The following BBX variants were observed in gnomAD, a reference collection of about 807,000 sequenced individuals.
BBX encodes HMG box transcription factor BBX.
Under a neutral mutation model 100.2 loss-of-function variants are expected in BBX, and 30 were observed. The ratio of observed to expected loss-of-function variants is 0.30; its 90% confidence interval spans 0.22 to 0.41. The LOEUF is 0.41. BBX is among the 10% of genes least tolerant of loss of function. The pLI is 1.00. For synonymous variants in BBX, 376 were observed against 388.1 expected, an observed-to-expected ratio of 0.97 and a Z score of 0.37; for missense variants, 1,023 against 1,129.8, an observed-to-expected ratio of 0.91 and a Z score of 1.35.
intron 3 of BBX, among the ~76,000 whole-genome samples, chr3:107,689,023 C>T (rs1010071105): frequency 1.3e-5 from 2 of 152,166 alleles, no homozygotes; most frequent in Non-Finnish European, 2.9e-5. Context: ...TGGTACACAG[C>T]AGACAACGAC....
At chr3:107,733,505 C>A (rs937299700) in intron 7 of BBX, among the ~76,000 whole-genome samples, 1 of 152,048 alleles carries the variant, frequency 6.6e-6, no homozygotes, top group Non-Finnish European at 1.5e-5. Flanking sequence ...TTTCCCACCC[C>A]CCCTTGAGAC....
chr3:107,579,610 G>T (rs2107544561), intron 2 of BBX, among the ~76,000 whole-genome samples: 1 of 152,330 alleles, frequency 6.6e-6, no homozygotes, highest in East Asian at 1.9e-4. Context: ...TGGATGCTTT[G>T]CAGTCCCTCC....
chr3:107,748,067 G>A (rs755989703), intron 9 of BBX, 28 bp downstream of exon 9: 8 of 1,589,702 alleles, frequency 5.0e-6, no homozygotes, highest in Non-Finnish European at 6.0e-6. Context: ...TGCTTTTTAG[G>A]CTAAGAAAAC....
chr3:107,749,912 G>C (rs775341262), intron 9 of BBX, among the ~76,000 whole-genome samples: 1 of 152,132 alleles, frequency 6.6e-6, no homozygotes, highest in Admixed American at 6.6e-5. Context: ...GGGATTACAG[G>C]TGTGAGCCAT....
chr3:107,736,859 G>A (rs2107555684), intron 7 of BBX, among the ~76,000 whole-genome samples: 1 of 152,182 alleles, frequency 6.6e-6, no homozygotes, highest in South Asian at 2.1e-4. Flanking sequence ...GAGAAAAGTA[G>A]AATATAAGTT....
chr3:107,642,247 T>A (rs535722121), intron 2 of BBX, among the ~76,000 whole-genome samples: 1 of 152,308 alleles, frequency 6.6e-6, no homozygotes, highest in Admixed American at 6.5e-5. Context: ...CAACAAGAAT[T>A]TTTTGACTAC....
intron 7 of BBX, among the ~76,000 whole-genome samples, chr3:107,735,252 T>A (rs1346184375): frequency 6.6e-6 from 1 of 152,136 alleles, no homozygotes. Flanking sequence ...CTTTAAGAGC[T>A]TATATGCATA....
chr3:107,662,842 C>G (rs1053021796), intron 3 of BBX: 1 of 151,898 alleles, frequency 6.6e-6, no homozygotes. Context: ...AAACTAACAC[C>G]GGAAATATTT....
At chr3:107,546,406 T>G (rs975538786) in intron 2 of BBX, among the ~76,000 whole-genome samples, 3 of 152,232 alleles carry the variant, frequency 2.0e-5, no homozygotes, top group Non-Finnish European at 4.4e-5. Context: ...GTTATTTACT[T>G]ACTTTTTGTG....
intron 3 of BBX, among the ~76,000 whole-genome samples, chr3:107,692,736 T>G (rs531404744): frequency 4.0e-5 from 6 of 150,062 alleles, no homozygotes; most frequent in Non-Finnish European, 8.9e-5. Context: ...CTGGGTCAAA[T>G]GGTATTTCTA....
intron 2 of BBX, among the ~76,000 whole-genome samples, chr3:107,558,477 G>A (rs2050242978): frequency 6.6e-6 from 1 of 151,970 alleles, no homozygotes; most frequent in South Asian, 2.1e-4. Flanking sequence ...GACAGAGCGA[G>A]ACTCTGTCTC....
intron 13 of BBX, among the ~76,000 whole-genome samples, chr3:107,786,006 AACTT>A (rs917425381): frequency 6.6e-6 from 1 of 152,128 alleles, no homozygotes; most frequent in Non-Finnish European, 1.5e-5. Flanking sequence ...CATTAGATAA[AACTT>A]AATTATATTT....
chr3:107,549,898 G>T, intron 2 of BBX, among the ~76,000 whole-genome samples: 2 of 149,314 alleles, frequency 1.3e-5, no homozygotes. Context: ...AATACTGAAT[G>T]GAAGGAAAGG....
intron 10 of BBX, among the ~76,000 whole-genome samples, chr3:107,765,699 C>T (rs2066334028): frequency 6.6e-6 from 1 of 152,206 alleles, no homozygotes; most frequent in African/African-American, 2.4e-5. Context: ...TGGCTGCCGA[C>T]TGCCTTTCCT....
rs2064412745 is a variant in BBX, at chr3:107,744,612, T to C, written c.670-18T>C. 6.3e-7 allele frequency: 1 copy of C among 1,592,670 alleles called. No homozygotes were observed. Among genetic ancestry groups the C allele is most frequent in the Non-Finnish European group, 8.6e-7 (1 of 1,161,184 alleles). Reference sequence around the variant, plus strand: ...GTAAATAGTACAAAAGAAAATATGATATCTTTCTTTGTTTCAGGTATCCTC... The same window carrying C: ...GTAAATAGTACAAAAGAAAATATGACATCTTTCTTTGTTTCAGGTATCCTC... On this transcript the variant is annotated intron_variant, in intron 7 of 17. Coordinates refer to ENST00000325805, the MANE Select transcript of BBX (RefSeq NM_001142568.3).
intron 12 of BBX, 127 bp from the exon 13 acceptor site, chr3:107,778,244 A>G (rs1316507519): frequency 7.6e-6 from 9 of 1,177,094 alleles, no homozygotes; most frequent in Non-Finnish European, 1.1e-5. Context: ...TTTTCCTTGC[A>G]CAGAATTTAC....
chr3:107,790,297 G>A (rs928143554), intron 14 of BBX, among the ~76,000 whole-genome samples: 7 of 152,068 alleles, frequency 4.6e-5, no homozygotes, highest in Admixed American at 1.3e-4. Context: ...AAGTGCCCCC[G>A]TTTCTGTACT....
chr3:107,610,859 A>G lies in BBX; in HGVS notation c.-83-34977A>G, dbSNP rs571292306. Among the ~76,000 whole-genome samples the G allele has an allele frequency of 8.0e-5, 12 of 150,526 alleles. No individual in the cohort carries two copies. The East Asian group carries it at 2.3e-3, about 29-fold the overall frequency. On this transcript the variant is annotated intron_variant, in intron 2 of 17. Transcript: ENST00000325805. Reference sequence around the variant, plus strand: ...GTTTAGTCCATTTACATCACATGTTATTATTGATAAGTTAGGACTTACTCC... The same window carrying G: ...GTTTAGTCCATTTACATCACATGTTGTTATTGATAAGTTAGGACTTACTCC...
At chr3:107,686,862 A>G (rs2059879529) in intron 3 of BBX, among the ~76,000 whole-genome samples, 1 of 152,204 alleles carries the variant, frequency 6.6e-6, no homozygotes, top group South Asian at 2.1e-4. Flanking sequence ...AAGGTGGTTT[A>G]GTCCTAACCA....
Sources: gnomAD v4.1 joint callset for allele counts (sites outside exome capture counted in the v4.1 genomes callset) on GRCh38, gnomAD v4.1.1 for gene constraint, MANE v1.5 for transcripts, NCBI Gene and HGNC (gene_info 2026-07-23, HGNC 2026-07-21) for gene names.